The following STXBP5 variants were observed in gnomAD, a reference collection of about 807,000 sequenced individuals.
STXBP5 encodes syntaxin-binding protein 5.
Under a neutral mutation model 152.4 loss-of-function variants are expected in STXBP5, and 50 were observed. The observed-to-expected ratio is 0.33, with a 90% confidence interval of 0.26 to 0.42. STXBP5 has a LOEUF of 0.42. STXBP5 is among the 10% of genes least tolerant of loss of function. The pLI is 1.00. For missense variants in STXBP5, 1,167 were observed against 1,388.6 expected (o/e 0.84, Z 2.54); for synonymous variants, 492 against 494.7 (o/e 0.99, Z 0.07).
At chr6:147,341,258 A>T (rs1197849052) in intron 21 of STXBP5, among the ~76,000 whole-genome samples, 1 of 152,182 alleles carries the variant, frequency 6.6e-6, no homozygotes, top group Non-Finnish European at 1.5e-5. Context: ...TTAGCATAAA[A>T]TATGCTATTG....
chr6:147,247,240 A>G (rs1336621506), intron 4 of STXBP5, among the ~76,000 whole-genome samples: 4 of 152,244 alleles, frequency 2.6e-5, no homozygotes, highest in Non-Finnish European at 5.9e-5. Context: ...TGCTAATCGC[A>G]TAACATTATC....
At chr6:147,384,363 G>A (rs1786238892) in intron 27 of STXBP5, among the ~76,000 whole-genome samples, 1 of 152,048 alleles carries the variant, frequency 6.6e-6, no homozygotes, top group African/African-American at 2.4e-5. Flanking sequence ...AATTTGAGAT[G>A]GCAGGAGGAG....
chr6:147,281,104 T>C (rs1780678009), intron 8 of STXBP5, among the ~76,000 whole-genome samples: 1 of 152,198 alleles, frequency 6.6e-6, no homozygotes, highest in African/African-American at 2.4e-5. Context: ...ATGGCAAAGC[T>C]GGAGTACAAT....
At chr6:147,323,407 T>G (rs1783040244) in intron 16 of STXBP5, among the ~76,000 whole-genome samples, 1 of 152,020 alleles carries the variant, frequency 6.6e-6, no homozygotes, top group Non-Finnish European at 1.5e-5. Context: ...TTTTTTTTTT[T>G]GGAGACGGAG....
intron 4 of STXBP5, 79 bp downstream of exon 4, chr6:147,239,349 G>A (rs1158861623): frequency 1.6e-6 from 2 of 1,254,078 alleles, no homozygotes; most frequent in Admixed American, 1.9e-5. Context: ...GATTTTTTGT[G>A]TGTGATGGAC....
chr6:147,382,916 G>A lies in STXBP5; in HGVS notation c.3332G>A (p.Arg1111Lys), dbSNP rs1250899705. Residue 1111 changes from arginine to lysine, a missense_variant, in exon 27 of 28, where the codon AGA (arginine) becomes AAA (lysine). Physicochemically the swap from Arg to Lys is conservative, Grantham distance 26. Transcript: ENST00000321680. ...LARARLALDE[R>K]GQKLGDLEER... ...CGAGCCAGGCTGGCACTAGATGAAA[G>A]AGGGCAGAAACTTGGCGATCTGGAA... The A allele has an allele frequency of 6.2e-7, 1 of 1,613,564 alleles. No homozygotes were observed. Among genetic ancestry groups the A allele is most frequent in the South Asian group, 1.1e-5 (1 of 91,078 alleles).
chr6:147,359,354 T>C (rs1784959174), intron 23 of STXBP5, 31 bp downstream of exon 23: 1 of 1,592,042 alleles, frequency 6.3e-7, no homozygotes, highest in Non-Finnish European at 8.6e-7. Flanking sequence ...TAGAGTTACA[T>C]TACAGGTGTG....
Position 147,260,621 on chromosome 6 carries a change from ATT to A in STXBP5, c.441_442del (p.Phe147LeufsTer8). ...GTATATTTTTCTCTTGCAGGGTTAC[ATT>A]TTGCCATCTGCCTTTCCAGAGTAAG... ...SLKFCRERVT[F>X]CHLPFQSKWL... On this transcript the variant is annotated frameshift_variant, in exon 5 of 28. Transcript: ENST00000321680. LOFTEE classifies it high-confidence loss of function. 2 of 1,613,604 alleles carry A rather than the reference ATT, an allele frequency of 1.2e-6. No homozygotes were observed. The highest frequency in any genetic ancestry group is 1.7e-6 in the Non-Finnish European group (2 of 1,179,678).
intron 4 of STXBP5, among the ~76,000 whole-genome samples, chr6:147,246,224 C>G (rs1354447870): frequency 6.6e-6 from 1 of 152,160 alleles, no homozygotes; most frequent in Non-Finnish European, 1.5e-5. Flanking sequence ...TAAATAGGAG[C>G]AAGTCGTGGG....
chr6:147,262,400 T>C (rs1779686059), intron 6 of STXBP5, 47 bp downstream of exon 6: 2 of 1,154,148 alleles, frequency 1.7e-6, no homozygotes, highest in South Asian at 1.6e-5. Context: ...CAAATTTTAG[T>C]ATTTTTCAAT....
At chr6:147,205,371 C>CATATGTATATATATAT (rs1776488734) in intron 1 of STXBP5, among the ~76,000 whole-genome samples, 1 of 141,862 alleles carries the variant, frequency 7.0e-6, no homozygotes, top group Non-Finnish European at 1.5e-5. Flanking sequence ...TAAAAGTGTG[C>CATATGTATATATATAT]ATATATATAT....
chr6:147,340,383 T>G (rs1226479065), intron 21 of STXBP5, among the ~76,000 whole-genome samples: 1 of 152,084 alleles, frequency 6.6e-6, no homozygotes, highest in Non-Finnish European at 1.5e-5. Context: ...TAAGGTGGTT[T>G]ATTCTTGGGC....
intron 21 of STXBP5, among the ~76,000 whole-genome samples, chr6:147,352,642 T>A (rs1582985444): frequency 6.6e-6 from 1 of 152,050 alleles, no homozygotes; most frequent in Admixed American, 6.6e-5. Context: ...ACCCAGTAGC[T>A]ATGAAGATGA....
rs576759370 is a variant in STXBP5 at position 147,220,439 on chromosome 6, C to CCAACAGAG, written c.248+14372_248+14373insAACAGAGC. 4.4e-4 allele frequency among the ~76,000 whole-genome samples: 67 copies of CCAACAGAG among 152,028 alleles called. No homozygotes were observed. In the South Asian group the frequency reaches 0.012, roughly 28 times the overall value. ...CAGCTCTGTTGGCACTTTTTTTCTG[C>CCAACAGAG]CTGCTGGATCTGTCCATTTCTGATA... On this transcript the variant is annotated intron_variant, in intron 2 of 27. Coordinates refer to ENST00000321680, the MANE Select transcript of STXBP5 (RefSeq NM_001127715.4).
rs190486522 is a variant in STXBP5 at position 147,338,631 on chromosome 6, G to A, written c.2147-548G>A. Among the ~76,000 whole-genome samples, 88 of 151,544 alleles carry A rather than the reference G, an allele frequency of 5.8e-4. 2 individuals carry two copies. The South Asian group carries it at 1.0e-2, about 17-fold the overall frequency. ...ATATTTCTTACCTCCATAAATTTAGGTAGACATTTGAACATATCTACAAAT... is the reference window on the plus strand; with the variant it reads ...ATATTTCTTACCTCCATAAATTTAGATAGACATTTGAACATATCTACAAAT... On this transcript the variant is annotated intron_variant, in intron 19 of 27. Coordinates refer to ENST00000321680, the MANE Select transcript of STXBP5 (RefSeq NM_001127715.4).
At chr6:147,280,143 AT>A (rs1183719450) in intron 8 of STXBP5, among the ~76,000 whole-genome samples, 2 of 151,448 alleles carry the variant, frequency 1.3e-5, no homozygotes, top group Non-Finnish European at 2.9e-5. Context: ...TGTGGATTAG[AT>A]TTGGTTGTCA....
intron 21 of STXBP5, among the ~76,000 whole-genome samples, chr6:147,348,374 CCT>C (rs2128403671): frequency 6.6e-6 from 1 of 151,816 alleles, no homozygotes; most frequent in African/African-American, 2.4e-5. Flanking sequence ...CCTCCTACTC[CCT>C]GTCCCCACCC....
chr6:147,319,673 C>CTGTCAGTA (rs1782815667), intron 16 of STXBP5, among the ~76,000 whole-genome samples: 1 of 152,044 alleles, frequency 6.6e-6, no homozygotes, highest in South Asian at 2.1e-4. Context: ...GTAAACTGCC[C>CTGTCAGTA]TGTCAGTATG....
chr6:147,383,884 G>C (rs1205359179), intron 27 of STXBP5, among the ~76,000 whole-genome samples: 2 of 152,014 alleles, frequency 1.3e-5, no homozygotes, highest in Non-Finnish European at 2.9e-5. Flanking sequence ...GCTTCAGAGA[G>C]GTTCAGAGAT....
Sources: allele counts gnomAD v4.1 joint callset (sites outside exome capture counted in the v4.1 genomes callset), GRCh38; gene constraint gnomAD v4.1.1; transcripts MANE v1.5; gene names NCBI Gene and HGNC (gene_info 2026-07-23, HGNC 2026-07-21).